Variants in TMCC1 observed in about 807,000 individuals in gnomAD.
TMCC1 encodes transmembrane and coiled-coil domain family 1.
Under a neutral mutation model 52.4 loss-of-function variants are expected in TMCC1, and 15 were observed. The ratio of observed to expected loss-of-function variants is 0.29; its 90% confidence interval spans 0.19 to 0.44. The LOEUF is 0.44. Ranked by LOEUF, TMCC1 falls within the 20% of genes least tolerant of loss-of-function variation. The probability of loss-of-function intolerance (pLI) is 1.00; values close to 1 mark genes in which losing one functional copy is unlikely to be tolerated. For synonymous variants in TMCC1, 279 were observed against 301.9 expected, an observed-to-expected ratio of 0.92 and a Z score of 0.79; for missense variants, 503 against 806.0, an observed-to-expected ratio of 0.62 and a Z score of 4.55.
intron 4 of TMCC1, among the ~76,000 whole-genome samples, chr3:129,821,410 A>G (rs1560488411): frequency 2.0e-5 from 3 of 152,250 alleles, no homozygotes; most frequent in African/African-American, 4.8e-5. Flanking sequence ...AGGATCTTAC[A>G]TACATTAGAC....
rs749095356 is a variant in TMCC1, at chr3:129,803,578, T to C, written c.576+24225A>G. Among the ~76,000 whole-genome samples the C allele has an allele frequency of 2.0e-5, 3 of 152,224 alleles. No individual in the cohort carries two copies. The South Asian group carries it at 6.2e-4, about 31-fold the overall frequency. ...ATGTATGCCCTTTGATTCAGCACTT[T>C]TAATTTTGTTTCCTTAAACCTCACT... On this transcript the variant is annotated intron_variant, in intron 4 of 6. Coordinates refer to ENST00000393238, the MANE Select transcript of TMCC1 (RefSeq NM_001017395.5).
At chr3:129,790,944 A>G (rs1270390456) in intron 4 of TMCC1, among the ~76,000 whole-genome samples, 2 of 152,178 alleles carry the variant, frequency 1.3e-5, no homozygotes, top group Non-Finnish European at 2.9e-5. Flanking sequence ...TTCAAACTCT[A>G]TTGGACACAT....
intron 4 of TMCC1, among the ~76,000 whole-genome samples, chr3:129,806,123 G>A (rs534926205): frequency 1.4e-4 from 21 of 152,208 alleles, no homozygotes; most frequent in African/African-American, 3.4e-4. Flanking sequence ...GAGTTTAGTG[G>A]GCAAGCCTGT....
At chr3:129,869,140 A>G (rs996446857) in intron 2 of TMCC1, 1 of 152,086 alleles carries the variant, frequency 6.6e-6, no homozygotes, top group Admixed American at 6.6e-5. Context: ...CCAAGCGATT[A>G]GAGTATTGGA....
rs78245101 is a variant in TMCC1, at chr3:129,764,430, C to T, written c.576+63373G>A. On this transcript the variant is annotated intron_variant, in intron 4 of 6. Coordinates refer to ENST00000393238, the MANE Select transcript of TMCC1 (RefSeq NM_001017395.5). ...CAAGGCCATAACAATTTCTCCACTGCTATCACAAGGTTAAGTGCTTCCCTT... is the reference window on the plus strand; with the variant it reads ...CAAGGCCATAACAATTTCTCCACTGTTATCACAAGGTTAAGTGCTTCCCTT... 3.1e-3 allele frequency among the ~76,000 whole-genome samples: 466 copies of T among 152,246 alleles called. 3 individuals carry two copies. Among genetic ancestry groups the T allele is most frequent in the African/African-American group, 0.01 (427 of 41,522 alleles).
At chr3:129,844,358 A>C (rs574633243) in intron 2 of TMCC1, among the ~76,000 whole-genome samples, 2 of 152,344 alleles carry the variant, frequency 1.3e-5, no homozygotes, top group African/African-American at 4.8e-5. Flanking sequence ...AGAAACATAC[A>C]AAGTATGGAC....
chr3:129,865,722 A>C (rs1438903163), intron 2 of TMCC1, among the ~76,000 whole-genome samples: 1 of 152,252 alleles, frequency 6.6e-6, no homozygotes, highest in African/African-American at 2.4e-5. Context: ...GACATGTTTC[A>C]GAAGTAAAAA....
Position 129,673,427 on chromosome 3 carries a change from C to A in TMCC1, c.577-2163G>T, listed in dbSNP as rs540133887. Among the ~76,000 whole-genome samples, 3 of 152,280 alleles carry A rather than the reference C, an allele frequency of 2.0e-5. No individual in the cohort carries two copies. In the South Asian group the frequency reaches 6.2e-4, roughly 32 times the overall value. On this transcript the variant is annotated intron_variant, in intron 4 of 6. Coordinates refer to ENST00000393238, the MANE Select transcript of TMCC1 (RefSeq NM_001017395.5). ...TAATAATTAAGCTCAAAATATACCA[C>A]AATATAAAGGAAAGCAAATATAAGA...
rs2056627745 is a variant in TMCC1, at chr3:129,793,709, A to AT, written c.576+34093dup. 3.3e-5 allele frequency among the ~76,000 whole-genome samples: 5 copies of AT among 152,226 alleles called. No homozygotes were observed. The South Asian group carries it at 1.0e-3, about 32-fold the overall frequency. ...TCACCTTTTTACTATTTTAAGTATG[A>AT]TTTTCTCAGGTTAAAAAAACTTTTC... is the stretch of plus-strand genomic sequence containing the variant. On this transcript the variant is annotated intron_variant, in intron 4 of 6. Coordinates refer to ENST00000393238, the MANE Select transcript of TMCC1 (RefSeq NM_001017395.5).
rs929715355 is a variant in TMCC1, at chr3:129,828,555, A to G, written c.-130-47T>C. 4.7e-5 allele frequency: 28 copies of G among 589,566 alleles called. No homozygotes were observed. In the South Asian group the frequency reaches 7.2e-4, roughly 15 times the overall value. 36.5% of individuals were successfully genotyped at this position (589,566 alleles called of 1,614,324 possible). ...CAAAAAAACAAAAAAAAAACCTTAT[A>G]TTATAAATCCATGCAGAAACTCCAG... On this transcript the variant is annotated intron_variant, in intron 3 of 6. Transcript: ENST00000393238. The surrounding 1 kb of genome is among the most constrained non-coding windows in gnomAD (Gnocchi z 4.1).
chr3:129,844,819 C>T (rs537067694), intron 2 of TMCC1, among the ~76,000 whole-genome samples: 12 of 152,240 alleles, frequency 7.9e-5, no homozygotes, highest in Middle Eastern at 3.4e-3. Context: ...TTGATGCTAC[C>T]TGTGACCCAA....
intron 4 of TMCC1, among the ~76,000 whole-genome samples, chr3:129,739,729 G>A (rs1202261614): frequency 1.3e-5 from 2 of 152,156 alleles, no homozygotes; most frequent in Admixed American, 6.5e-5. Flanking sequence ...CTGGCAATTA[G>A]CATATAATCT....
At chr3:129,784,308 G>C (rs2055795089) in intron 4 of TMCC1, among the ~76,000 whole-genome samples, 1 of 152,180 alleles carries the variant, frequency 6.6e-6, no homozygotes, top group Non-Finnish European at 1.5e-5. Context: ...GCTGGGCATG[G>C]TGGCTCGCGC....
intron 2 of TMCC1, among the ~76,000 whole-genome samples, chr3:129,878,179 G>A (rs1033039606): frequency 6.8e-6 from 1 of 147,200 alleles, no homozygotes; most frequent in African/African-American, 2.5e-5. Flanking sequence ...CGCCAGGCTG[G>A]TCTTGAACTC....
chr3:129,733,061 TC>T (rs2050669991), intron 4 of TMCC1, among the ~76,000 whole-genome samples: 1 of 152,204 alleles, frequency 6.6e-6, no homozygotes, highest in African/African-American at 2.4e-5. Context: ...ATCTGCTCCT[TC>T]TTAGTGCAAC....
intron 4 of TMCC1, among the ~76,000 whole-genome samples, chr3:129,730,885 T>G (rs540977015): frequency 6.6e-6 from 1 of 152,356 alleles, no homozygotes; most frequent in East Asian, 1.9e-4. Context: ...ATTTTGTAAT[T>G]AAACATATTC....
intron 4 of TMCC1, among the ~76,000 whole-genome samples, chr3:129,795,303 T>A (rs1283213355): frequency 2.0e-5 from 3 of 152,228 alleles, no homozygotes; most frequent in African/African-American, 7.2e-5. Flanking sequence ...AATATTCCTA[T>A]CTTTGCCACT....
chr3:129,680,648 C>T (rs2088887799), intron 4 of TMCC1, among the ~76,000 whole-genome samples: 1 of 152,206 alleles, frequency 6.6e-6, no homozygotes, highest in Admixed American at 6.5e-5. Flanking sequence ...CGCCTCTAAT[C>T]CCAGCACTTT....
chr3:129,820,104 G>A (rs1320451057), intron 4 of TMCC1, among the ~76,000 whole-genome samples: 2 of 143,442 alleles, frequency 1.4e-5, no homozygotes, highest in Non-Finnish European at 3.0e-5. Flanking sequence ...CCTTGAAGAC[G>A]CCTACTAGAT....
Sources: gnomAD v4.1 joint callset for allele counts (sites outside exome capture counted in the v4.1 genomes callset) on GRCh38, gnomAD v4.1.1 for gene constraint, Gnocchi (gnomAD v3.1) non-coding constraint, MANE v1.5 for transcripts, NCBI Gene and HGNC (gene_info 2026-07-23, HGNC 2026-07-21) for gene names.